Variants in SCFD1 observed in about 807,000 individuals in gnomAD.
SCFD1 encodes sec1 family domain containing 1, also known as sec1 family domain-containing protein 1.
SCFD1 carries 37 observed loss-of-function variants against 103.2 expected under a neutral mutation model. That is an observed-to-expected ratio of 0.36 (90% confidence interval 0.28 to 0.47). The LOEUF (loss-of-function observed/expected upper bound fraction) is 0.47, where lower values mean the gene tolerates loss of function less well. Among genes scored for constraint, SCFD1 ranks in the 20% least tolerant of loss-of-function variants. The pLI is 1.00. For synonymous variants in SCFD1, 264 were observed against 245.0 expected, an observed-to-expected ratio of 1.08 and a Z score of -0.73; for missense variants, 639 against 761.2, an observed-to-expected ratio of 0.84 and a Z score of 1.89.
At chr14:30,694,891 T>A in intron 15 of SCFD1, 22 bp downstream of exon 15, 1 of 1,572,472 alleles carries the variant, frequency 6.4e-7, no homozygotes, top group Non-Finnish European at 8.6e-7. Flanking sequence ...AAATTTGAGG[T>A]TAATGTAAGT....
intron 14 of SCFD1, among the ~76,000 whole-genome samples, chr14:30,683,830 G>T (rs184477023): frequency 2.7e-4 from 41 of 152,308 alleles, no homozygotes; most frequent in Non-Finnish European, 3.5e-4. Context: ...TAGAAAGGAG[G>T]TATAACTCTT....
At chr14:30,718,685 A>G (rs1477514011) in intron 20 of SCFD1, among the ~76,000 whole-genome samples, 1 of 152,248 alleles carries the variant, frequency 6.6e-6, no homozygotes, top group Non-Finnish European at 1.5e-5. Flanking sequence ...CAGTTCATTT[A>G]TTAAATGTTT....
At chr14:30,713,222 C>T (rs1041186455) in intron 19 of SCFD1, among the ~76,000 whole-genome samples, 28 of 152,070 alleles carry the variant, frequency 1.8e-4, no homozygotes, top group African/African-American at 6.5e-4. Flanking sequence ...CTCTTTCCTA[C>T]GTTTTAAAGA....
intron 6 of SCFD1, among the ~76,000 whole-genome samples, chr14:30,641,078 G>A (rs1356253030): frequency 3.3e-5 from 5 of 151,818 alleles, no homozygotes; most frequent in African/African-American, 1.2e-4. Context: ...ATAGCTGTAA[G>A]TAACTTGATG....
At chr14:30,627,309 G>T (rs1210751328) in intron 1 of SCFD1, among the ~76,000 whole-genome samples, 2 of 152,140 alleles carry the variant, frequency 1.3e-5, no homozygotes, top group South Asian at 4.1e-4. Context: ...TTTCCCAAGG[G>T]ACATAGAATT....
At chr14:30,730,685 G>A (rs772130534) in intron 23 of SCFD1, among the ~76,000 whole-genome samples, 7 of 152,082 alleles carry the variant, frequency 4.6e-5, no homozygotes, top group Non-Finnish European at 8.8e-5. Flanking sequence ...CATATCCTTC[G>A]CCCACTTTTT....
At chr14:30,638,399 A>C (rs1884950106) in intron 5 of SCFD1, 152 bp downstream of exon 5, 1 of 1,145,196 alleles carries the variant, frequency 8.7e-7, no homozygotes, top group Non-Finnish European at 1.2e-6. Flanking sequence ...CTGATAATAT[A>C]AATTATATTC....
Position 30,628,221 on chromosome 14 carries a change from G to GT in SCFD1, c.75dup (p.Met26TyrfsTer10), listed in dbSNP as rs1215409037. The stretch of plus-strand genomic sequence containing the variant: ...TTTTTATTTTCAGTGGCTTTGAAGC[G>GT]TATGTTGAATTTCAATGTGCCTCAT... On this transcript the variant is annotated frameshift_variant, in exon 2 of 25. Coordinates refer to ENST00000458591, the MANE Select transcript of SCFD1 (RefSeq NM_016106.4). LOFTEE classifies it high-confidence loss of function. 2 of 1,609,544 alleles carry GT rather than the reference G, an allele frequency of 1.2e-6. No individual in the cohort carries two copies. The highest frequency in any genetic ancestry group is 1.3e-5 in the African/African-American group (1 of 74,810).
chr14:30,730,862 C>G (rs1893408238), intron 23 of SCFD1, among the ~76,000 whole-genome samples: 1 of 152,072 alleles, frequency 6.6e-6, no homozygotes, highest in East Asian at 1.9e-4. Flanking sequence ...TAGTTAGATC[C>G]CATTTGTCAA....
In SCFD1 at chr14:30,640,697, A is replaced by G. The variant is rs540370876; in HGVS notation, c.523+833A>G. 3.9e-5 allele frequency among the ~76,000 whole-genome samples: 6 copies of G among 152,136 alleles called. No individual in the cohort carries two copies. The South Asian group carries it at 1.0e-3, about 26-fold the overall frequency. The stretch of plus-strand genomic sequence containing the variant: ...AATATTAAGTGGTTTTTTTTTAGGT[A>G]CTGTACTTCATATACCAGACCAGAC... On this transcript the variant is annotated intron_variant, in intron 6 of 24. Transcript: ENST00000458591.
chr14:30,735,061 T>C (rs188842804), intron 24 of SCFD1: 1 of 471,906 alleles, frequency 2.1e-6, no homozygotes, highest in Admixed American at 3.6e-5. Context: ...TTGCCCATCC[T>C]TCCAGAACTG....
intron 19 of SCFD1, 81 bp downstream of exon 19, chr14:30,708,146 C>T (rs527657559): frequency 3.5e-6 from 3 of 867,274 alleles, no homozygotes; most frequent in Admixed American, 3.9e-5. Flanking sequence ...AAAGCAACTC[C>T]TGGATTTATT....
intron 14 of SCFD1, among the ~76,000 whole-genome samples, chr14:30,678,051 G>T (rs1171207513): frequency 6.6e-6 from 1 of 151,766 alleles, no homozygotes; most frequent in Non-Finnish European, 1.5e-5. Flanking sequence ...TGTTGGGCAG[G>T]ATGGTCACCA....
chr14:30,672,605 G>A (rs772006074), intron 11 of SCFD1, among the ~76,000 whole-genome samples: 2 of 152,286 alleles, frequency 1.3e-5, no homozygotes, highest in Non-Finnish European at 2.9e-5. Context: ...CCTAGAGTTT[G>A]TCAAGATTAG....
intron 10 of SCFD1, 36 bp downstream of exon 10, chr14:30,653,624 T>C (rs768154930): frequency 5.4e-5 from 73 of 1,342,900 alleles, no homozygotes; most frequent in Non-Finnish European, 7.3e-5. Flanking sequence ...TACTGAAATA[T>C]AGTAACATGC....
At chr14:30,732,215 AT>A (rs986125288) in intron 23 of SCFD1, among the ~76,000 whole-genome samples, 1 of 152,008 alleles carries the variant, frequency 6.6e-6, no homozygotes, top group African/African-American at 2.4e-5. Context: ...TTTTTAATGG[AT>A]TTTTAGAAGT....
intron 14 of SCFD1, among the ~76,000 whole-genome samples, chr14:30,677,827 C>CCTTTTTTT (rs1889151642): frequency 7.4e-5 from 5 of 67,516 alleles, no homozygotes; most frequent in African/African-American, 3.3e-4. Context: ...ACCTAAGCAC[C>CCTTTTTTT]TTTTTTTTTT....
chr14:30,698,191 T>C (rs1890827942), intron 15 of SCFD1, among the ~76,000 whole-genome samples: 1 of 152,216 alleles, frequency 6.6e-6, no homozygotes, highest in Non-Finnish European at 1.5e-5. Context: ...AGTAAGGGAA[T>C]TCTAACTTTA....
chr14:30,683,060 G>A, intron 14 of SCFD1: 1 of 1,374,004 alleles, frequency 7.3e-7, no homozygotes, highest in South Asian at 1.2e-5. Flanking sequence ...GCTCCTGACT[G>A]GTGACCTGTT....
Sources: gnomAD v4.1 joint callset for allele counts (sites outside exome capture counted in the v4.1 genomes callset) on GRCh38, gnomAD v4.1.1 for gene constraint, MANE v1.5 for transcripts, NCBI Gene and HGNC (gene_info 2026-07-23, HGNC 2026-07-21) for gene names.